The following KCNK13 variants were observed in gnomAD, a reference collection of about 807,000 sequenced individuals.
KCNK13 encodes potassium two pore domain channel subfamily K member 13.
Under a neutral mutation model 23.4 loss-of-function variants are expected in KCNK13, and 12 were observed. The ratio of observed to expected loss-of-function variants is 0.51; its 90% CI spans 0.33 to 0.83. KCNK13 has a LOEUF of 0.83. KCNK13 is among the 40% of genes least tolerant of loss of function. The pLI is 0.02. For missense variants in KCNK13, 463 were observed against 556.3 expected, an observed-to-expected ratio of 0.83 and a Z score of 1.69; for synonymous variants, 231 against 229.5, an observed-to-expected ratio of 1.01 and a Z score of -0.06.
chr14:90,147,835 T>A (rs895806600), intron 1 of KCNK13, among the ~76,000 whole-genome samples: 3 of 152,206 alleles, frequency 2.0e-5, no homozygotes, highest in African/African-American at 7.2e-5. Context: ...GGTCTTTCTT[T>A]CTCTCCTGTT....
At chr14:90,137,052 TC>T (rs1173551439) in intron 1 of KCNK13, among the ~76,000 whole-genome samples, 1 of 152,194 alleles carries the variant, frequency 6.6e-6, no homozygotes, top group Non-Finnish European at 1.5e-5. Context: ...ATGGAGCAGT[TC>T]ACCAAGTCCT....
chr14:90,123,608 C>T (rs1424759760), intron 1 of KCNK13, among the ~76,000 whole-genome samples: 2 of 152,150 alleles, frequency 1.3e-5, no homozygotes, highest in Non-Finnish European at 2.9e-5. Flanking sequence ...TGCCAGTCCT[C>T]GTTTGTGAGA....
intron 1 of KCNK13, among the ~76,000 whole-genome samples, chr14:90,139,080 T>C (rs140585927): frequency 6.6e-6 from 1 of 152,164 alleles, no homozygotes; most frequent in African/African-American, 2.4e-5. Context: ...ATGGGACCAG[T>C]GTGGTTCAGA....
chr14:90,103,063 G>A (rs964148534), intron 1 of KCNK13, among the ~76,000 whole-genome samples: 1 of 152,098 alleles, frequency 6.6e-6, no homozygotes, highest in Non-Finnish European at 1.5e-5. Flanking sequence ...TATACACTTA[G>A]GATTATGACT....
intron 1 of KCNK13, among the ~76,000 whole-genome samples, chr14:90,170,313 A>G (rs1368596565): frequency 1.3e-5 from 2 of 152,138 alleles, no homozygotes; most frequent in Non-Finnish European, 2.9e-5. Context: ...TCCCAGGTTC[A>G]GGTGATTCTC....
chr14:90,117,847 C>T (rs1262876197), intron 1 of KCNK13, among the ~76,000 whole-genome samples: 2 of 152,068 alleles, frequency 1.3e-5, no homozygotes, highest in African/African-American at 4.8e-5. Flanking sequence ...TCTTCCCTTC[C>T]GCCCCTGGCA....
At chr14:90,173,267 G>A (rs2140444745) in intron 1 of KCNK13, among the ~76,000 whole-genome samples, 1 of 152,260 alleles carries the variant, frequency 6.6e-6, no homozygotes, top group East Asian at 1.9e-4. Flanking sequence ...TGAGGCAGTA[G>A]GATCACCTGA....
At position 90,180,099 on chromosome 14, in the gene KCNK13, C is replaced by A. The variant is rs1890468804; in HGVS notation, c.335-4012C>A. Among the ~76,000 whole-genome samples, 3 of 152,268 alleles carry A rather than the reference C, an allele frequency of 2.0e-5. No individual in the cohort carries two copies. In the South Asian group the frequency reaches 6.2e-4, roughly 32 times the overall value. On this transcript the variant is annotated intron_variant, in intron 1 of 1. Transcript: ENST00000282146. ...CAGCCTAGTCAGGTGGAAAAAAGCA[C>A]AGGCCTGGGAGACAAGATGATCTAG...
At chr14:90,115,622 G>T (rs1178611575) in intron 1 of KCNK13, among the ~76,000 whole-genome samples, 1 of 152,152 alleles carries the variant, frequency 6.6e-6, no homozygotes, top group Non-Finnish European at 1.5e-5. Context: ...GCTCAACTTT[G>T]CGACTGTAGC....
chr14:90,075,264 T>C (rs9671427), intron 1 of KCNK13, among the ~76,000 whole-genome samples: 3,667 of 152,342 alleles, frequency 0.024, 156 homozygotes, highest in African/African-American at 0.083. Context: ...TTTATGTTTA[T>C]AAATAAAATT....
At position 90,184,094 on chromosome 14, in the gene KCNK13, A is replaced by AT. The variant is rs763086254; in HGVS notation, c.335-12dup. The stretch of plus-strand genomic sequence containing the variant: ...CAAAGATTTCTCTTACTCTTCTCTC[A>AT]TTTTTCTCTCCTGCAGGGTTTGGGA... On this transcript the variant is annotated splice_polypyrimidine_tract_variant and intron_variant, in intron 1 of 1. Transcript: ENST00000282146. This position sits in a 1 kb window ranked among gnomAD's most constrained non-coding sequence, Gnocchi z 5.6. 8 of 1,599,852 alleles carry AT rather than the reference A, an allele frequency of 5.0e-6. No homozygotes were observed. The South Asian group carries it at 7.8e-5, about 16-fold the overall frequency.
chr14:90,185,831 T>G lies in KCNK13; in HGVS notation c.*828T>G, dbSNP rs1890544047. ...ATGACTATTTAATAAAATGGAAAAT[T>G]TAATAAATCCTCATTTTATTAACTA... is the stretch of plus-strand genomic sequence containing the variant. On this transcript the variant is annotated 3_prime_UTR_variant, in exon 2 of 2. Coordinates refer to ENST00000282146, the MANE Select transcript of KCNK13 (RefSeq NM_022054.4). 1 of 152,210 alleles carries G rather than the reference T, an allele frequency of 6.6e-6. No individual in the cohort carries two copies. The highest frequency in any genetic ancestry group is 2.4e-5 in the African/African-American group (1 of 41,440). The allele number at this position is 152,210 out of a possible 1,614,324, so 9.4% of individuals were successfully genotyped here. A position where few individuals can be genotyped will look rare whatever the true frequency, so the allele number is the denominator to read the frequency against.
At chr14:90,081,698 A>G (rs1053541031) in intron 1 of KCNK13, among the ~76,000 whole-genome samples, 14 of 152,226 alleles carry the variant, frequency 9.2e-5, no homozygotes, top group Non-Finnish European at 1.8e-4. Context: ...CAAGTTCTGA[A>G]AAAAGAAACC....
At chr14:90,171,341 G>A (rs1189783367) in intron 1 of KCNK13, among the ~76,000 whole-genome samples, 1 of 152,150 alleles carries the variant, frequency 6.6e-6, no homozygotes, top group African/African-American at 2.4e-5. Flanking sequence ...ATTTTCCAGT[G>A]GTGTTTGTGA....
chr14:90,077,929 C>A (rs1254384335), intron 1 of KCNK13, among the ~76,000 whole-genome samples: 2 of 152,170 alleles, frequency 1.3e-5, no homozygotes, highest in Non-Finnish European at 2.9e-5. Flanking sequence ...AATCTAAAAA[C>A]TGAACTTAGG....
intron 1 of KCNK13, among the ~76,000 whole-genome samples, chr14:90,148,261 A>G (rs1332273239): frequency 6.6e-6 from 1 of 152,160 alleles, no homozygotes; most frequent in Non-Finnish European, 1.5e-5. Flanking sequence ...TTGCCGTAGC[A>G]CCACACTATT....
chr14:90,105,692 T>C (rs1889536153), intron 1 of KCNK13, among the ~76,000 whole-genome samples: 1 of 152,118 alleles, frequency 6.6e-6, no homozygotes. Context: ...TGAAGGCCCT[T>C]GAATCCAACT....
chr14:90,128,194 T>C (rs1889825208), intron 1 of KCNK13, among the ~76,000 whole-genome samples: 1 of 152,178 alleles, frequency 6.6e-6, no homozygotes, highest in African/African-American at 2.4e-5. Flanking sequence ...TTAAGTACTT[T>C]GTGTAGCAGT....
At chr14:90,102,597 A>AC (rs1245101854) in intron 1 of KCNK13, among the ~76,000 whole-genome samples, 1 of 151,920 alleles carries the variant, frequency 6.6e-6, no homozygotes, top group Non-Finnish European at 1.5e-5. Context: ...CTCTCCCATG[A>AC]CCCCCTATGA....
Sources: allele counts gnomAD v4.1 joint callset (sites outside exome capture counted in the v4.1 genomes callset), GRCh38; gene constraint gnomAD v4.1.1; non-coding constraint Gnocchi (gnomAD v3.1); transcripts MANE v1.5; gene names NCBI Gene and HGNC (gene_info 2026-07-23, HGNC 2026-07-21).